Variants in ADGB observed in about 807,000 individuals in gnomAD.
ADGB encodes calpain-7-like protein.
A neutral mutation model predicts 210.5 loss-of-function variants in ADGB; 172 were observed. That is an observed-to-expected ratio of 0.82 (90% CI 0.72 to 0.93). The LOEUF (loss-of-function observed/expected upper bound fraction) is 0.93, where lower values mean the gene tolerates loss of function less well. ADGB is among the 40% of genes least tolerant of loss of function. The pLI is 0.00. For synonymous variants in ADGB, 658 were observed against 662.7 expected (o/e 0.99, Z 0.11); for missense variants, 2,025 against 1,964.8 (o/e 1.03, Z -0.58).
intron 1 of ADGB, among the ~76,000 whole-genome samples, chr6:146,627,785 T>C (rs962430455): frequency 5.9e-5 from 9 of 152,168 alleles, no homozygotes; most frequent in Non-Finnish European, 1.2e-4. Flanking sequence ...CTTGAAAGTA[T>C]ACCTTGCTGT....
intron 22 of ADGB, among the ~76,000 whole-genome samples, chr6:146,734,960 T>C (rs999009966): frequency 4.6e-5 from 7 of 152,098 alleles, no homozygotes; most frequent in African/African-American, 1.7e-4. Context: ...ATTTTCATTC[T>C]GTGGTTTTTG....
rs34547633 is a variant in ADGB, at chr6:146,718,346, C to CAA, written c.1992+767_1992+768dup. Among the ~76,000 whole-genome samples the CAA allele has an allele frequency of 3.5e-3, 283 of 80,024 alleles. 3 individuals are homozygous for CAA. The highest frequency in any genetic ancestry group is 5.3e-3 in the African/African-American group (115 of 21,588). The allele number at this position is 80,024 out of a possible 152,430, so 52.5% of individuals were successfully genotyped here. On this transcript the variant is annotated intron_variant, in intron 16 of 35. Coordinates refer to ENST00000397944, the MANE Select transcript of ADGB (RefSeq NM_024694.4). The stretch of plus-strand genomic sequence containing the variant: ...TGGGCAACAGAGTGAGATTCCATCT[C>CAA]AAAAAAAAAAAAAAAAAAAAAGGCT...
chr6:146,788,403 C>G lies in ADGB; in HGVS notation c.4330C>G (p.Arg1444Gly), dbSNP rs1201998613. The change falls in exon 33 of 36, where the codon CGT (arginine) becomes GGT (glycine). Residue 1444 changes from arginine (R) to glycine (G), a missense_variant. Arg to Gly is a moderately radical substitution (Grantham distance 125). Coordinates refer to ENST00000397944, the MANE Select transcript of ADGB (RefSeq NM_024694.4). ...KPKEEVETAA[R>G]GVKEPNSKNS... ...TCATGTTGTAGTAGAAACAGCTGCACGTGGCGTAAAAGAACCAAACTCAAA... is the reference window on the plus strand; with the variant it reads ...TCATGTTGTAGTAGAAACAGCTGCAGGTGGCGTAAAAGAACCAAACTCAAA... 1.3e-6 allele frequency: 2 copies of G among 1,551,456 alleles called. No homozygotes were observed. Among genetic ancestry groups the G allele is most frequent in the Non-Finnish European group, 1.7e-6 (2 of 1,146,858 alleles).
intron 13 of ADGB, among the ~76,000 whole-genome samples, chr6:146,709,651 G>A (rs543777251): frequency 2.0e-5 from 3 of 152,194 alleles, no homozygotes; most frequent in Admixed American, 2.0e-4. Flanking sequence ...CGCCACCAGG[G>A]TCTATTGGGT....
chr6:146,617,161 T>G (rs2114836635), intron 1 of ADGB, among the ~76,000 whole-genome samples: 1 of 152,220 alleles, frequency 6.6e-6, no homozygotes, highest in Middle Eastern at 3.4e-3. Flanking sequence ...GATCATTCAC[T>G]TCTTTTGTTG....
chr6:146,724,341 T>C lies in ADGB; in HGVS notation c.2237+14T>C. 6.7e-7 allele frequency: 1 copy of C among 1,496,352 alleles called. No individual in the cohort carries two copies. The highest frequency in any genetic ancestry group is 8.9e-7 in the Non-Finnish European group (1 of 1,124,062). The allele number at this position is 1,496,352 out of a possible 1,614,324, so 92.7% of individuals were successfully genotyped here. On this transcript the variant is annotated intron_variant, in intron 18 of 35. Transcript: ENST00000397944. The stretch of plus-strand genomic sequence containing the variant: ...TCTGCCTGTTGGGTATGAAGTGGCT[T>C]CATTTTTCCCATAATAAAAATTGTT...
rs567328811 is a variant in ADGB at position 146,753,847 on chromosome 6, GT to G, written c.3550+1140del. On this transcript the variant is annotated intron_variant, in intron 27 of 35. Transcript: ENST00000397944. ...TAATCATAACTTTGTATCTCTATGAGTTTTTTTCTCTATGTGCACCCGTACA... is the reference window on the plus strand; with the variant it reads ...TAATCATAACTTTGTATCTCTATGAGTTTTTTCTCTATGTGCACCCGTACA... 4.8e-3 allele frequency among the ~76,000 whole-genome samples: 723 copies of G among 151,708 alleles called. 1 individual carries two copies. Among genetic ancestry groups the G allele is most frequent in the African/African-American group, 0.016 (673 of 41,476 alleles).
At chr6:146,813,501 TG>T (rs1437513493) in intron 35 of ADGB, among the ~76,000 whole-genome samples, 5 of 152,176 alleles carry the variant, frequency 3.3e-5, no homozygotes, top group African/African-American at 1.2e-4. Flanking sequence ...TGTATGAAAA[TG>T]TGGATATATT....
intron 5 of ADGB, among the ~76,000 whole-genome samples, chr6:146,660,126 C>A (rs1218085652): frequency 6.6e-6 from 1 of 152,116 alleles, no homozygotes; most frequent in African/African-American, 2.4e-5. Flanking sequence ...ACTTCCCATG[C>A]CCCACTCCAG....
chr6:146,775,231 A>G (rs901032909), intron 29 of ADGB, among the ~76,000 whole-genome samples: 1 of 152,182 alleles, frequency 6.6e-6, no homozygotes, highest in African/African-American at 2.4e-5. Context: ...TTTAATTTAT[A>G]TGAAAAATAC....
At chr6:146,748,016 CA>C (rs1209985144) in intron 26 of ADGB, among the ~76,000 whole-genome samples, 1 of 151,888 alleles carries the variant, frequency 6.6e-6, no homozygotes, top group Non-Finnish European at 1.5e-5. Context: ...CTCCTGGCCT[CA>C]AGTGAGGCCA....
chr6:146,683,029 T>A (rs1776178107), intron 9 of ADGB, among the ~76,000 whole-genome samples: 1 of 152,030 alleles, frequency 6.6e-6, no homozygotes, highest in Non-Finnish European at 1.5e-5. Flanking sequence ...AATGCCATTA[T>A]CATGGGAGTG....
intron 6 of ADGB, among the ~76,000 whole-genome samples, chr6:146,665,167 G>C (rs1775922157): frequency 6.6e-6 from 1 of 152,034 alleles, no homozygotes; most frequent in African/African-American, 2.4e-5. Context: ...AACAGTACAT[G>C]TTAGAGATTT....
chr6:146,674,137 T>C (rs902602896), intron 8 of ADGB, among the ~76,000 whole-genome samples: 2 of 152,162 alleles, frequency 1.3e-5, no homozygotes, highest in Admixed American at 1.3e-4. Flanking sequence ...AATTTCTCAA[T>C]TACAATTTGT....
chr6:146,602,958 C>T (rs73588036), intron 1 of ADGB, among the ~76,000 whole-genome samples: 15,654 of 152,138 alleles, frequency 0.1, 1,039 homozygotes, highest in East Asian at 0.29. Flanking sequence ...GATGGCTGCT[C>T]TACTTAATTC....
chr6:146,788,162 T>C (rs972188521), intron 32 of ADGB, among the ~76,000 whole-genome samples: 1 of 152,172 alleles, frequency 6.6e-6, no homozygotes, highest in African/African-American at 2.4e-5. Flanking sequence ...AAAGCCTCTA[T>C]TTTTATGTGA....
chr6:146,709,919 C>T (rs1776635738), intron 13 of ADGB, among the ~76,000 whole-genome samples: 1 of 152,184 alleles, frequency 6.6e-6, no homozygotes, highest in African/African-American at 2.4e-5. Context: ...AAGATATTTT[C>T]TTATGTGGAT....
rs147456165 is a variant in ADGB, at chr6:146,792,050, G to A, written c.4537+3440G>A. Among the ~76,000 whole-genome samples, 685 of 151,718 alleles carry A rather than the reference G, an allele frequency of 4.5e-3. 5 individuals carry two copies. The highest frequency in any genetic ancestry group is 0.016 in the African/African-American group (651 of 41,358). On this transcript the variant is annotated intron_variant, in intron 33 of 35. Transcript: ENST00000397944. ...CTCCCAAAGTGCTAGGATGACAGGC[G>A]TGAGCCACCACACTCAGCCTCTATT...
intron 1 of ADGB, among the ~76,000 whole-genome samples, chr6:146,616,569 A>G (rs1780802109): frequency 6.6e-6 from 1 of 152,104 alleles, no homozygotes; most frequent in Non-Finnish European, 1.5e-5. Flanking sequence ...CAATTCTTAC[A>G]TTTAAATGTT....
Sources: allele counts gnomAD v4.1 joint callset (sites outside exome capture counted in the v4.1 genomes callset), GRCh38; gene constraint gnomAD v4.1.1; transcripts MANE v1.5; gene names NCBI Gene and HGNC (gene_info 2026-07-23, HGNC 2026-07-21).